Variants in NRXN3 observed in about 807,000 individuals in gnomAD.
NRXN3 encodes the protein neurexin III.
Under a neutral mutation model 137.6 loss-of-function variants are expected in NRXN3, and 32 were observed. That is an observed-to-expected ratio of 0.23 (90% CI 0.18 to 0.31). The LOEUF (loss-of-function observed/expected upper bound fraction) is 0.31, where lower values mean the gene tolerates loss of function less well. Among genes scored for constraint, NRXN3 ranks in the 10% least tolerant of loss-of-function variants. The pLI is 1.00. For synonymous variants in NRXN3, 798 were observed against 784.5 expected (o/e 1.02, Z -0.29); for missense variants, 1,574 against 2,062.5 (o/e 0.76, Z 4.59).
intron 15 of NRXN3, among the ~76,000 whole-genome samples, chr14:79,267,276 G>C (rs796336367): frequency 6.6e-6 from 1 of 151,924 alleles, no homozygotes; most frequent in Non-Finnish European, 1.5e-5. Flanking sequence ...GATAATTAAG[G>C]ATATAGAATT....
At chr14:79,031,240 A>G (rs1255769307) in intron 15 of NRXN3, among the ~76,000 whole-genome samples, 1 of 152,164 alleles carries the variant, frequency 6.6e-6, no homozygotes, top group African/African-American at 2.4e-5. Context: ...GAACTTTTAT[A>G]AAACTTAGAA....
At chr14:79,418,297 A>ACCT (rs1469460888) in intron 15 of NRXN3, among the ~76,000 whole-genome samples, 1 of 152,096 alleles carries the variant, frequency 6.6e-6, no homozygotes, top group African/African-American at 2.4e-5. Flanking sequence ...TATATTCTTT[A>ACCT]AGTGTATTTT....
intron 16 of NRXN3, among the ~76,000 whole-genome samples, chr14:79,619,476 C>T (rs1210063943): frequency 6.6e-6 from 1 of 152,008 alleles, no homozygotes; most frequent in Non-Finnish European, 1.5e-5. Context: ...GTCCTTTCCC[C>T]ATTGCTTGTG....
intron 4 of NRXN3, among the ~76,000 whole-genome samples, chr14:78,424,582 T>C (rs2093586911): frequency 1.3e-5 from 2 of 152,228 alleles, no homozygotes; most frequent in Admixed American, 1.3e-4. Flanking sequence ...AAAGCATTTA[T>C]CAAAGAATGA....
At chr14:78,646,254 G>A (rs987470230) in intron 5 of NRXN3, among the ~76,000 whole-genome samples, 2 of 152,138 alleles carry the variant, frequency 1.3e-5, no homozygotes, top group African/African-American at 4.8e-5. Context: ...TAATAATAAT[G>A]ATAACAATAA....
At chr14:79,562,651 T>C (rs1216349077) in intron 16 of NRXN3, among the ~76,000 whole-genome samples, 1 of 152,214 alleles carries the variant, frequency 6.6e-6, no homozygotes, top group African/African-American at 2.4e-5. Flanking sequence ...CTGATTTCCA[T>C]GTAAATATCA....
At chr14:78,946,748 G>A (rs894680217) in intron 10 of NRXN3, among the ~76,000 whole-genome samples, 18 of 152,080 alleles carry the variant, frequency 1.2e-4, no homozygotes, top group East Asian at 3.9e-4. Flanking sequence ...TGAAGACAGC[G>A]CATGGAAATT....
chr14:79,147,074 G>A (rs933359554), intron 15 of NRXN3, among the ~76,000 whole-genome samples: 1 of 152,158 alleles, frequency 6.6e-6, no homozygotes, highest in Non-Finnish European at 1.5e-5. Flanking sequence ...TAGCAGGTCA[G>A]ATTTAAAAGA....
chr14:79,742,397 G>A (rs1424459203), intron 19 of NRXN3, among the ~76,000 whole-genome samples: 1 of 152,078 alleles, frequency 6.6e-6, no homozygotes, highest in East Asian at 1.9e-4. Context: ...ACTGAATGAG[G>A]TAAGATGTGT....
chr14:78,216,026 A>T (rs1404366009), intron 1 of NRXN3, among the ~76,000 whole-genome samples: 4 of 152,196 alleles, frequency 2.6e-5, no homozygotes, highest in African/African-American at 7.2e-5. Context: ...ACAGAGGAGA[A>T]AGTTTTGTTA....
At chr14:78,896,793 T>C (rs749346838) in intron 10 of NRXN3, among the ~76,000 whole-genome samples, 1 of 151,904 alleles carries the variant, frequency 6.6e-6, no homozygotes, top group Non-Finnish European at 1.5e-5. Context: ...GCAAACAGCA[T>C]AGAAATAGAA....
intron 16 of NRXN3, among the ~76,000 whole-genome samples, chr14:79,551,012 A>G (rs983439336): frequency 2.6e-5 from 4 of 152,226 alleles, no homozygotes; most frequent in Non-Finnish European, 5.9e-5. Context: ...GTAGTCAGAC[A>G]TGAATTTGAG....
intron 2 of NRXN3, among the ~76,000 whole-genome samples, chr14:78,260,516 C>G (rs2070510721): frequency 6.6e-6 from 1 of 152,206 alleles, no homozygotes; most frequent in Admixed American, 6.5e-5. Context: ...TGGTTTGGCT[C>G]TGTGTCCCCA....
At chr14:78,320,595 T>C (rs561619547) in intron 4 of NRXN3, among the ~76,000 whole-genome samples, 1 of 152,318 alleles carries the variant, frequency 6.6e-6, no homozygotes, top group Non-Finnish European at 1.5e-5. Context: ...GTGTCTGTGA[T>C]TTCTTTTAAT....
In NRXN3 at chr14:79,692,161, TA is replaced by T. The variant is rs775853614; in HGVS notation, c.3617-9del. ...TCAGATTGTTCTTTAAGCTGTTTTT[TA>T]AACTTTAAAGGCAACACTGATAATG... On this transcript the variant is annotated splice_polypyrimidine_tract_variant and intron_variant, in intron 17 of 20. Transcript: ENST00000335750. The T allele has an allele frequency of 1.3e-6, 2 of 1,582,332 alleles. No individual in the cohort carries two copies. The highest frequency in any genetic ancestry group is 1.9e-5 in the Admixed American group (1 of 53,010).
intron 19 of NRXN3, among the ~76,000 whole-genome samples, chr14:79,797,417 A>G (rs1048639221): frequency 6.6e-6 from 1 of 152,178 alleles, no homozygotes; most frequent in African/African-American, 2.4e-5. Flanking sequence ...CAATCGAAAT[A>G]CTTAAGCTCA....
chr14:79,783,646 CT>C (rs1297220922), intron 19 of NRXN3, among the ~76,000 whole-genome samples: 1 of 152,028 alleles, frequency 6.6e-6, no homozygotes, highest in Non-Finnish European at 1.5e-5. Flanking sequence ...CTTTGAGTAA[CT>C]TTTTTTAATG....
intron 4 of NRXN3, among the ~76,000 whole-genome samples, chr14:78,540,178 T>C (rs1044065099): frequency 4.6e-5 from 7 of 152,108 alleles, no homozygotes; most frequent in Non-Finnish European, 8.8e-5. Context: ...TCTTCTGTCT[T>C]ATTGATTTGT....
At chr14:78,322,832 TCACA>T (rs1019482615) in intron 4 of NRXN3, among the ~76,000 whole-genome samples, 5 of 152,014 alleles carry the variant, frequency 3.3e-5, no homozygotes, top group African/African-American at 4.8e-5. Flanking sequence ...AATTTGAGCC[TCACA>T]CACTCTGTGA....
Sources: gnomAD v4.1 joint callset for allele counts (sites outside exome capture counted in the v4.1 genomes callset) on GRCh38, gnomAD v4.1.1 for gene constraint, MANE v1.5 for transcripts, NCBI Gene and HGNC (gene_info 2026-07-23, HGNC 2026-07-21) for gene names.